MAML3: variants seen among roughly 807,000 people sequenced by gnomAD.
MAML3 encodes mastermind like transcriptional coactivator 3.
In MAML3, 27 loss-of-function variants were observed where a neutral mutation model predicts 101.9. The ratio of observed to expected loss-of-function variants is 0.27; its 90% confidence interval spans 0.20 to 0.37. The LOEUF (loss-of-function observed/expected upper bound fraction) is 0.37. Among genes scored for constraint, MAML3 ranks in the 10% least tolerant of loss-of-function variants. MAML3 has a pLI of 1.00. For missense variants in MAML3, 1,316 were observed against 1,444.9 expected, an observed-to-expected ratio of 0.91 and a Z score of 1.45; for synonymous variants, 501 against 555.9, an observed-to-expected ratio of 0.90 and a Z score of 1.39.
intron 2 of MAML3, among the ~76,000 whole-genome samples, chr4:139,809,185 GCT>G (rs1730750004): frequency 6.6e-6 from 1 of 152,194 alleles, no homozygotes; most frequent in Non-Finnish European, 1.5e-5. Flanking sequence ...CTGTGAAAGA[GCT>G]TCTCCTTTGG....
intron 2 of MAML3, among the ~76,000 whole-genome samples, chr4:139,841,526 C>T (rs368685234): frequency 3.2e-4 from 48 of 152,344 alleles, no homozygotes; most frequent in African/African-American, 1.1e-3. Flanking sequence ...GCTTCACTAT[C>T]GGCGCTGACG....
chr4:139,801,052 T>C (rs564161039), intron 2 of MAML3, among the ~76,000 whole-genome samples: 2 of 152,300 alleles, frequency 1.3e-5, no homozygotes, highest in Non-Finnish European at 2.9e-5. Context: ...ACAGATCCAG[T>C]TGGAATCTGC....
At chr4:139,993,759 C>T (rs767694177) in intron 1 of MAML3, among the ~76,000 whole-genome samples, 2 of 151,422 alleles carry the variant, frequency 1.3e-5, no homozygotes, top group South Asian at 2.1e-4. Context: ...ACCTGGGAGG[C>T]GGAGGTTGCA....
chr4:139,939,075 A>G (rs1443093485), intron 1 of MAML3, among the ~76,000 whole-genome samples: 1 of 152,216 alleles, frequency 6.6e-6, no homozygotes. Context: ...TCGGGAACAC[A>G]TGATACCTCT....
chr4:139,892,014 C>A (rs1489376613), intron 1 of MAML3, among the ~76,000 whole-genome samples: 1 of 152,180 alleles, frequency 6.6e-6, no homozygotes, highest in Non-Finnish European at 1.5e-5. Flanking sequence ...ACTCTACATT[C>A]TTTCTTAGAC....
At chr4:140,068,809 A>C (rs1040950564) in intron 1 of MAML3, among the ~76,000 whole-genome samples, 3 of 152,172 alleles carry the variant, frequency 2.0e-5, no homozygotes, top group Admixed American at 6.5e-5. Context: ...CATTATTACT[A>C]TTTGAAGAGT....
At chr4:139,996,516 A>T (rs1734817321) in intron 1 of MAML3, among the ~76,000 whole-genome samples, 2 of 152,142 alleles carry the variant, frequency 1.3e-5, no homozygotes, top group African/African-American at 4.8e-5. Flanking sequence ...ATTATTATGA[A>T]ATATCAATAA....
At chr4:139,903,215 T>A (rs956855723) in intron 1 of MAML3, among the ~76,000 whole-genome samples, 3 of 152,212 alleles carry the variant, frequency 2.0e-5, no homozygotes, top group Non-Finnish European at 4.4e-5. Flanking sequence ...GCTCAAGCGA[T>A]CCTCCCACCT....
intron 2 of MAML3, among the ~76,000 whole-genome samples, chr4:139,771,681 A>T (rs1016909614): frequency 3.9e-5 from 6 of 152,156 alleles, no homozygotes; most frequent in African/African-American, 1.4e-4. Flanking sequence ...TTTCTCAGGA[A>T]ACCCTTAGCG....
intron 3 of MAML3, 151 bp downstream of exon 3, chr4:139,730,265 A>T: frequency 1.4e-6 from 1 of 706,464 alleles, no homozygotes; most frequent in South Asian, 1.8e-5. Context: ...GAAAGGTCTA[A>T]ATTCTTCAGG....
chr4:139,798,158 T>A (rs564981081), intron 2 of MAML3, among the ~76,000 whole-genome samples: 15 of 152,182 alleles, frequency 9.9e-5, no homozygotes, highest in African/African-American at 3.1e-4. Flanking sequence ...ATACGGGAGT[T>A]CACAGAAGCA....
chr4:140,081,774 A>T (rs894926463), intron 1 of MAML3, among the ~76,000 whole-genome samples: 1 of 152,234 alleles, frequency 6.6e-6, no homozygotes, highest in African/African-American at 2.4e-5. Flanking sequence ...TGAACCGTCT[A>T]GGCTGCCCGT....
At chr4:139,759,643 T>C (rs998177027) in intron 2 of MAML3, among the ~76,000 whole-genome samples, 5 of 152,260 alleles carry the variant, frequency 3.3e-5, no homozygotes, top group African/African-American at 4.8e-5. Flanking sequence ...GACAGCCTTG[T>C]TTTGTGCTTT....
intron 1 of MAML3, among the ~76,000 whole-genome samples, chr4:139,909,445 A>T (rs1432393440): frequency 6.6e-6 from 1 of 152,200 alleles, no homozygotes; most frequent in Non-Finnish European, 1.5e-5. Context: ...CCTGGGAAGC[A>T]TCAACTCACC....
At chr4:140,082,607 G>A (rs902632373) in intron 1 of MAML3, among the ~76,000 whole-genome samples, 13 of 152,072 alleles carry the variant, frequency 8.5e-5, no homozygotes, top group African/African-American at 2.9e-4. Context: ...TACAGCTCCC[G>A]ACCTCACAGG....
At chr4:140,037,754 C>G (rs748870981) in intron 1 of MAML3, among the ~76,000 whole-genome samples, 1 of 152,180 alleles carries the variant, frequency 6.6e-6, no homozygotes, top group Admixed American at 6.5e-5. Context: ...CCCTAAGGTA[C>G]GTGTATTTCA....
chr4:139,915,726 C>G (rs1488247608), intron 1 of MAML3, among the ~76,000 whole-genome samples: 1 of 152,160 alleles, frequency 6.6e-6, no homozygotes, highest in Admixed American at 6.6e-5. Flanking sequence ...CCCACTATAA[C>G]ATGGCACCTT....
At chr4:140,138,534 G>A (rs558422228) in intron 1 of MAML3, among the ~76,000 whole-genome samples, 1 of 152,304 alleles carries the variant, frequency 6.6e-6, no homozygotes, top group South Asian at 2.1e-4. Flanking sequence ...GATGGGAATA[G>A]TAAGAGAATG....
intron 1 of MAML3, among the ~76,000 whole-genome samples, chr4:140,116,406 T>C (rs567209789): frequency 3.3e-5 from 5 of 152,322 alleles, no homozygotes; most frequent in South Asian, 4.1e-4. Flanking sequence ...GACACCTATA[T>C]AGAGAACATT....
Sources: gnomAD v4.1 joint callset for allele counts (sites outside exome capture counted in the v4.1 genomes callset) on GRCh38, gnomAD v4.1.1 for gene constraint, MANE v1.5 for transcripts, NCBI Gene and HGNC (gene_info 2026-07-23, HGNC 2026-07-21) for gene names.